The following AGPAT5 variants were observed in gnomAD, a reference collection of about 807,000 sequenced individuals.
AGPAT5 encodes 1-acylglycerol-3-phosphate O-acyltransferase 5.
A neutral mutation model predicts 45.6 loss-of-function variants in AGPAT5; 46 were observed. The observed-to-expected ratio is 1.01, with a 90% CI of 0.80 to 1.29. AGPAT5 has a LOEUF of 1.29. Among genes scored for constraint, AGPAT5 ranks in the 50% most tolerant of loss-of-function variants. The pLI is 0.00. For synonymous variants in AGPAT5, 272 were observed against 167.0 expected (o/e 1.63, Z -4.85); for missense variants, 673 against 450.7 (o/e 1.49, Z -4.47).
chr8:6,710,020 G>C (rs1048991786), intron 1 of AGPAT5, among the ~76,000 whole-genome samples: 3 of 152,146 alleles, frequency 2.0e-5, no homozygotes, highest in African/African-American at 7.2e-5. Context: ...ACTCCACCAA[G>C]TTTGTCTAAA....
At chr8:6,722,003 T>A (rs1290441079) in intron 1 of AGPAT5, among the ~76,000 whole-genome samples, 1 of 151,532 alleles carries the variant, frequency 6.6e-6, no homozygotes, top group Non-Finnish European at 1.5e-5. Flanking sequence ...AAAGAAGGGG[T>A]TTGTATGTGA....
intron 1 of AGPAT5, among the ~76,000 whole-genome samples, chr8:6,719,995 A>G (rs1163992510): frequency 6.6e-6 from 1 of 152,220 alleles, no homozygotes; most frequent in East Asian, 1.9e-4. Flanking sequence ...GGGACTTTAC[A>G]GAACACACCC....
intron 6 of AGPAT5, among the ~76,000 whole-genome samples, chr8:6,749,332 A>T (rs1288745367): frequency 6.6e-6 from 1 of 152,238 alleles, no homozygotes; most frequent in Non-Finnish European, 1.5e-5. Flanking sequence ...AGGAAAAAAA[A>T]ATGTAACATA....
chr8:6,737,418 C>T (rs1292479038), intron 4 of AGPAT5, among the ~76,000 whole-genome samples: 2 of 152,054 alleles, frequency 1.3e-5, no homozygotes, highest in East Asian at 1.9e-4. Flanking sequence ...AGTTCTTATT[C>T]GGTATTAGTA....
At chr8:6,709,033 C>T in intron 1 of AGPAT5, 146 bp downstream of exon 1, 2 of 795,282 alleles carry the variant, frequency 2.5e-6, no homozygotes, top group Non-Finnish European at 4.2e-6. Context: ...CCGCCTTCCT[C>T]TCCGCATGCT....
chr8:6,738,725 T>C (rs1801139421), intron 4 of AGPAT5, among the ~76,000 whole-genome samples: 1 of 152,232 alleles, frequency 6.6e-6, no homozygotes, highest in Non-Finnish European at 1.5e-5. Flanking sequence ...TTTGCATCTG[T>C]TACTTACCTT....
intron 1 of AGPAT5, among the ~76,000 whole-genome samples, chr8:6,712,417 A>C (rs1004549959): frequency 5.3e-5 from 8 of 152,158 alleles, no homozygotes; most frequent in Non-Finnish European, 4.4e-5. Flanking sequence ...TGATAAATTA[A>C]AGGTGATATA....
chr8:6,729,590 T>G (rs1018526285), intron 2 of AGPAT5, among the ~76,000 whole-genome samples: 2 of 152,204 alleles, frequency 1.3e-5, no homozygotes, highest in Non-Finnish European at 2.9e-5. Flanking sequence ...CTGCGGTTCT[T>G]AAGACCTGTA....
At chr8:6,752,148 G>T (rs962938330) in intron 6 of AGPAT5, among the ~76,000 whole-genome samples, 3 of 152,062 alleles carry the variant, frequency 2.0e-5, no homozygotes, top group Non-Finnish European at 4.4e-5. Flanking sequence ...CTGGACTCTA[G>T]CCTGGCTGAC....
intron 6 of AGPAT5, among the ~76,000 whole-genome samples, chr8:6,754,483 G>A (rs1303781664): frequency 6.6e-6 from 1 of 152,188 alleles, no homozygotes; most frequent in Non-Finnish European, 1.5e-5. Flanking sequence ...AGTCAGTGAC[G>A]AGAAGCTGTG....
At chr8:6,731,427 C>G (rs985449222) in intron 3 of AGPAT5, among the ~76,000 whole-genome samples, 1 of 152,160 alleles carries the variant, frequency 6.6e-6, no homozygotes, top group African/African-American at 2.4e-5. Flanking sequence ...CTGTGCACTA[C>G]TTTAAATCAT....
intron 1 of AGPAT5, among the ~76,000 whole-genome samples, chr8:6,718,927 A>C (rs1259015183): frequency 2.0e-5 from 3 of 152,250 alleles, no homozygotes; most frequent in Non-Finnish European, 4.4e-5. Flanking sequence ...AACTCTGTGG[A>C]GTTGAATTGC....
intron 1 of AGPAT5, among the ~76,000 whole-genome samples, chr8:6,722,109 G>A (rs1457261805): frequency 6.6e-6 from 1 of 152,166 alleles, no homozygotes; most frequent in Non-Finnish European, 1.5e-5. Flanking sequence ...AAGATGACTA[G>A]GAAATGTATA....
At chr8:6,725,876 TTTC>T (rs1800669673) in intron 2 of AGPAT5, among the ~76,000 whole-genome samples, 3 of 152,230 alleles carry the variant, frequency 2.0e-5, no homozygotes, top group African/African-American at 7.2e-5. Flanking sequence ...TTTTTTAAAT[TTTC>T]TTCCTGTCAG....
intron 4 of AGPAT5, among the ~76,000 whole-genome samples, chr8:6,734,877 G>C (rs1318933774): frequency 6.6e-6 from 1 of 151,976 alleles, no homozygotes; most frequent in Non-Finnish European, 1.5e-5. Flanking sequence ...TTTGTTTGTA[G>C]GTTGGGGATG....
chr8:6,714,629 A>G (rs746671960), intron 1 of AGPAT5, among the ~76,000 whole-genome samples: 2 of 152,216 alleles, frequency 1.3e-5, no homozygotes, highest in South Asian at 2.1e-4. Context: ...CTACTCCTAC[A>G]CTGCGTACAC....
chr8:6,723,054 C>A (rs537758073), intron 1 of AGPAT5, among the ~76,000 whole-genome samples: 1 of 152,172 alleles, frequency 6.6e-6, no homozygotes, highest in Non-Finnish European at 1.5e-5. Context: ...ACTAGATTTA[C>A]AGAATGAAGC....
At chr8:6,740,014 C>G (rs115220964) in intron 4 of AGPAT5, among the ~76,000 whole-genome samples, 2 of 152,002 alleles carry the variant, frequency 1.3e-5, no homozygotes, top group African/African-American at 2.4e-5. Context: ...CCTCACTTGT[C>G]CATGAAGGGA....
At chr8:6,745,004 T>C (rs73661467) in intron 5 of AGPAT5, among the ~76,000 whole-genome samples, 4,442 of 152,346 alleles carry the variant, frequency 0.029, 211 homozygotes, top group African/African-American at 0.1. Context: ...TTTATTTTTC[T>C]CCTTTTGACT....
Sources: gnomAD v4.1 joint callset for allele counts (sites outside exome capture counted in the v4.1 genomes callset) on GRCh38, gnomAD v4.1.1 for gene constraint, MANE v1.5 for transcripts, NCBI Gene and HGNC (gene_info 2026-07-23, HGNC 2026-07-21) for gene names.